Variants in IRF3 observed in about 807,000 individuals in gnomAD.
The protein encoded by IRF3 is interferon regulatory factor 3.
Under a neutral mutation model 43.2 loss-of-function variants are expected in IRF3, and 29 were observed. The ratio of observed to expected loss-of-function variants is 0.67; its 90% CI spans 0.50 to 0.91. The LOEUF (loss-of-function observed/expected upper bound fraction) is 0.91. Ranked by LOEUF, IRF3 falls within the 40% of genes least tolerant of loss-of-function variation. IRF3 has a pLI of 0.00. For synonymous variants in IRF3, 228 were observed against 233.9 expected (o/e 0.97, Z 0.23); for missense variants, 505 against 559.1 (o/e 0.90, Z 0.98).
At chr19:49,660,027 A>ACACCCC (rs57168131) in intron 7 of IRF3, among the ~76,000 whole-genome samples, 194 bp from the exon 8 acceptor site, 3 of 74,716 alleles carry the variant, frequency 4.0e-5, no homozygotes, top group Non-Finnish European at 7.3e-5. Context: ...ACACACACAC[A>ACACCCC]CCCCCTGCTG....
Position 49,662,405 on chromosome 19 carries a change from A to G in IRF3, c.601+20T>C. On this transcript the variant is annotated intron_variant, in intron 5 of 7. Coordinates refer to ENST00000377139, the MANE Select transcript of IRF3 (RefSeq NM_001571.6). Reference sequence around the variant, plus strand: ...CTGCCGCCCAGACCTCAGCCCTCCCAGCCTGCAGCTGACACTCACCTTCCC... The same window carrying G: ...CTGCCGCCCAGACCTCAGCCCTCCCGGCCTGCAGCTGACACTCACCTTCCC... The G allele has an allele frequency of 6.3e-7, 1 of 1,593,908 alleles. No individual in the cohort carries two copies. Among genetic ancestry groups the G allele is most frequent in the Non-Finnish European group, 8.6e-7 (1 of 1,169,354 alleles).
rs1020274254 is a variant in IRF3 at position 49,662,310 on chromosome 19, G to A, written c.620C>T (p.Thr207Ile). Residue 207 changes from threonine to isoleucine, a missense_variant, in exon 6 of 8, where the codon ACA becomes ATA. Coordinates refer to ENST00000377139, the MANE Select transcript of IRF3 (RefSeq NM_001571.6). Reference sequence around the variant, plus strand: ...GACTTGGCGGCCCCGGTAGAAGGCTGTCACCTCGAACTCCCACTCTGAGCA... The same window carrying A: ...GACTTGGCGGCCCCGGTAGAAGGCTATCACCTCGAACTCCCACTCTGAGCA... Reference protein sequence around the residue: ...VPGEEWEFEVTAFYRGRQVFQ... With the variant: ...VPGEEWEFEVIAFYRGRQVFQ... 7 of 1,613,676 alleles carry A rather than the reference G, an allele frequency of 4.3e-6. No homozygotes were observed. Among genetic ancestry groups the A allele is most frequent in the Non-Finnish European group, 5.9e-6 (7 of 1,180,018 alleles).
intron 1 of IRF3, 23 bp downstream of exon 1, chr19:49,665,608 T>C: frequency 3.4e-6 from 2 of 582,850 alleles, no homozygotes. Flanking sequence ...CCACCAACGC[T>C]CTCCCGGGCT....
At chr19:49,660,603 G>T in intron 7 of IRF3, 110 bp downstream of exon 7, 1 of 1,137,490 alleles carries the variant, frequency 8.8e-7, no homozygotes, top group Non-Finnish European at 1.2e-6. Flanking sequence ...CAGAGATCTT[G>T]GAAGTTGCAG....
chr19:49,664,760 C>T lies in IRF3; in HGVS notation c.79G>A (p.Val27Met). The change falls in exon 2 of 8, where the codon GTG becomes ATG. Residue 27 changes from valine to methionine, a missense_variant. Transcript: ENST00000377139. ...CGGAAGCGCGTGCGGCTCTTGTTCA[C>T]CCAGGCCACGCCCTCCAGTTGCCCC... ...DLGQLEGVAW[V>M]NKSRTRFRIP... 1 of 1,614,052 alleles carries T rather than the reference C, an allele frequency of 6.2e-7. No individual in the cohort carries two copies. Among genetic ancestry groups the T allele is most frequent in the Non-Finnish European group, 8.5e-7 (1 of 1,179,982 alleles).
Position 49,665,614 on chromosome 19 carries a change from G to T in IRF3, c.-9+17C>A, listed in dbSNP as rs2304206. 1 of 605,820 alleles carries T rather than the reference G, an allele frequency of 1.7e-6. No individual in the cohort carries two copies. The highest frequency in any genetic ancestry group is 2.1e-5 in the South Asian group (1 of 46,650). 37.5% of individuals were successfully genotyped at this position (605,820 alleles called of 1,614,324 possible). A position where few individuals can be genotyped will look rare whatever the true frequency, so the allele number is the denominator to read the frequency against. Reference sequence around the variant, plus strand: ...TCTCGGACGCCACCAACGCTCTCCCGGGCTCTTCCGCGTTACCTACGATGG... The same window carrying T: ...TCTCGGACGCCACCAACGCTCTCCCTGGCTCTTCCGCGTTACCTACGATGG... On this transcript the variant is annotated intron_variant, in intron 1 of 7. Transcript: ENST00000377139.
chr19:49,659,936 G>T, intron 7 of IRF3, 103 bp from the exon 8 acceptor site: 1 of 1,287,116 alleles, frequency 7.8e-7, no homozygotes, highest in Non-Finnish European at 1.1e-6. Context: ...AGCCCCTGCT[G>T]TAACCTAGGA....
chr19:49,662,304 A>C lies in IRF3; in HGVS notation c.626T>G (p.Phe209Cys), dbSNP rs774557325. Reference protein sequence around the residue: ...GEEWEFEVTAFYRGRQVFQQT... With the variant: ...GEEWEFEVTACYRGRQVFQQT... ...CTGGAAGACTTGGCGGCCCCGGTAGAAGGCTGTCACCTCGAACTCCCACTC... is the reference window on the plus strand; with the variant it reads ...CTGGAAGACTTGGCGGCCCCGGTAGCAGGCTGTCACCTCGAACTCCCACTC... Residue 209 changes from phenylalanine (F) to cysteine (C), a missense_variant, in exon 6 of 8, where the codon TTC becomes TGC. Coordinates refer to ENST00000377139, the MANE Select transcript of IRF3 (RefSeq NM_001571.6). 1.9e-6 allele frequency: 3 copies of C among 1,613,624 alleles called. No individual in the cohort carries two copies. The African/African-American group carries it at 4.0e-5, about 22-fold the overall frequency.
intron 3 of IRF3, 22 bp from the exon 4 acceptor site, chr19:49,663,280 G>A (rs777947819): frequency 2.5e-6 from 4 of 1,614,022 alleles, no homozygotes; most frequent in African/African-American, 1.3e-5. Flanking sequence ...AGTGGTGAGG[G>A]GAGTAGGAGT....
chr19:49,662,633 AAAAG>A lies in IRF3; in HGVS notation c.409-20_409-17del. The A allele has an allele frequency of 2.0e-6, 3 of 1,525,734 alleles. No homozygotes were observed. The highest frequency in any genetic ancestry group is 2.6e-6 in the Non-Finnish European group (3 of 1,137,036). 94.5% of individuals were successfully genotyped at this position (1,525,734 alleles called of 1,614,324 possible). On this transcript the variant is annotated splice_polypyrimidine_tract_variant and intron_variant, in intron 4 of 7. Coordinates refer to ENST00000377139, the MANE Select transcript of IRF3 (RefSeq NM_001571.6). ...GAATGTCTTCCTGGAGGGAAACAAA[AAAAG>A]AGAATCAGGCATTTCCATATCCTTT...
Position 49,660,836 on chromosome 19 carries a change from C to T in IRF3, c.983-8G>A, listed in dbSNP as rs749460165. The T allele has an allele frequency of 1.3e-5, 20 of 1,586,184 alleles. No individual in the cohort carries two copies. The South Asian group carries it at 2.1e-4, about 16-fold the overall frequency. On this transcript the variant is annotated splice_region_variant and splice_polypyrimidine_tract_variant and intron_variant, in intron 6 of 7. Coordinates refer to ENST00000377139, the MANE Select transcript of IRF3 (RefSeq NM_001571.6). ...CCGTGAAGGTAATCAGATCTGGGGGCCCAGGAGCCTAGTCAGGGATGAGAA... is the reference window on the plus strand; with the variant it reads ...CCGTGAAGGTAATCAGATCTGGGGGTCCAGGAGCCTAGTCAGGGATGAGAA...
rs571526378 is a variant in IRF3 at position 49,660,324 on chromosome 19, G to A, written c.1098+389C>T. ...GAGCTCTGCCTTCTGTGAGATCAGC[G>A]GCAGCATTAGATTCTCAGAGGAGCA... On this transcript the variant is annotated intron_variant, in intron 7 of 7. Coordinates refer to ENST00000377139, the MANE Select transcript of IRF3 (RefSeq NM_001571.6). Among the ~76,000 whole-genome samples the A allele has an allele frequency of 6.6e-5, 10 of 152,258 alleles. No homozygotes were observed. In the South Asian group the frequency reaches 1.2e-3, roughly 19 times the overall value.
chr19:49,663,332 A>C lies in IRF3; in HGVS notation c.337+11T>G, dbSNP rs779672850. 6.2e-7 allele frequency: 1 copy of C among 1,614,182 alleles called. No individual in the cohort carries two copies. The highest frequency in any genetic ancestry group is 8.5e-7 in the Non-Finnish European group (1 of 1,180,000). Reference sequence around the variant, plus strand: ...GCCCCAGCCTCCCACACGAACCCCAAGCTGGCAGACCTGAGTTCACAAACT... The same window carrying C: ...GCCCCAGCCTCCCACACGAACCCCACGCTGGCAGACCTGAGTTCACAAACT... On this transcript the variant is annotated intron_variant, in intron 3 of 7. Coordinates refer to ENST00000377139, the MANE Select transcript of IRF3 (RefSeq NM_001571.6).
At chr19:49,660,438 C>T (rs940714747) in intron 7 of IRF3, among the ~76,000 whole-genome samples, 3 of 152,090 alleles carry the variant, frequency 2.0e-5, no homozygotes, top group Admixed American at 6.5e-5. Flanking sequence ...AGTTTCATCC[C>T]GAAACCACAC....
chr19:49,664,293 C>G, intron 2 of IRF3: 1 of 495,246 alleles, frequency 2.0e-6, no homozygotes, highest in South Asian at 1.7e-5. Context: ...CTGGCATATA[C>G]TAATTCGGTA....
At chr19:49,660,025 ACACC>A (rs1555753157) in intron 7 of IRF3, among the ~76,000 whole-genome samples, 192 bp from the exon 8 acceptor site, 31 of 110,244 alleles carry the variant, frequency 2.8e-4, no homozygotes, top group Middle Eastern at 4.5e-3. Context: ...ACACACACAC[ACACC>A]CCCTGCTGTA....
chr19:49,665,749 T>C lies in IRF3; in HGVS notation c.-127A>G, dbSNP rs1448871525. 1 of 1,526,496 alleles carries C rather than the reference T, an allele frequency of 6.6e-7. No homozygotes were observed. The highest frequency in any genetic ancestry group is 1.4e-5 in the African/African-American group (1 of 72,584). The allele number at this position is 1,526,496 out of a possible 1,614,324, so 94.6% of individuals were successfully genotyped here. Reference sequence around the variant, plus strand: ...TCCCGTCAGCTGAGCTCTAGAGCGCTGGGGCTTTCTTTTTGATCGACTTCT... The same window carrying C: ...TCCCGTCAGCTGAGCTCTAGAGCGCCGGGGCTTTCTTTTTGATCGACTTCT... On this transcript the variant is annotated 5_prime_UTR_variant, in exon 1 of 8. Coordinates refer to ENST00000377139, the MANE Select transcript of IRF3 (RefSeq NM_001571.6).
At chr19:49,661,594 TG>T (rs2081331740) in intron 6 of IRF3, 3 of 171,064 alleles carry the variant, frequency 1.8e-5, no homozygotes, top group Admixed American at 1.3e-4. Flanking sequence ...TTTTTTTTGT[TG>T]TTCGAGATGG....
intron 6 of IRF3, 112 bp downstream of exon 6, chr19:49,661,836 C>T (rs2081344397): frequency 7.5e-7 from 1 of 1,338,926 alleles, no homozygotes; most frequent in Non-Finnish European, 1.0e-6. Context: ...ACCTCAGCCT[C>T]CCAAAGTGCT....
Sources: gnomAD v4.1 joint callset for allele counts (sites outside exome capture counted in the v4.1 genomes callset) on GRCh38, gnomAD v4.1.1 for gene constraint, MANE v1.5 for transcripts, NCBI Gene and HGNC (gene_info 2026-07-23, HGNC 2026-07-21) for gene names.